The following CELF2 variants were observed in gnomAD, a reference collection of about 807,000 sequenced individuals.
CELF2 encodes the protein CUGBP Elav-like family member 2.
In CELF2, 8 loss-of-function variants were observed where a neutral mutation model predicts 62.6. The observed-to-expected ratio is 0.13, with a 90% CI of 0.07 to 0.23. CELF2 has a LOEUF of 0.23. CELF2 is among the 10% of genes least tolerant of loss of function. The pLI is 1.00. For synonymous variants in CELF2, 258 were observed against 250.0 expected (o/e 1.03, Z -0.30); for missense variants, 333 against 671.0 (o/e 0.50, Z 5.56).
chr10:10,892,914 A>T (rs2062254158), intron 1 of CELF2, among the ~76,000 whole-genome samples: 1 of 152,244 alleles, frequency 6.6e-6, no homozygotes, highest in Non-Finnish European at 1.5e-5. Context: ...TATTCCTTAC[A>T]TTCAGGTAGA....
At chr10:10,971,726 A>G (rs1237370377) in intron 2 of CELF2, among the ~76,000 whole-genome samples, 2 of 152,086 alleles carry the variant, frequency 1.3e-5, no homozygotes, top group African/African-American at 2.4e-5. Context: ...AGCTGGGACT[A>G]CAGGCACCCA....
In CELF2 at chr10:11,285,955, A is replaced by G. The variant is rs1216191859; in HGVS notation, c.842-2463A>G. ...TTGGTATCTGGTTGGGAGGGCAAGA[A>G]ATACATATAAATAATGTCAACATAG... On this transcript the variant is annotated intron_variant, in intron 8 of 12. Coordinates refer to ENST00000633077, the MANE Select transcript of CELF2 (RefSeq NM_001326342.2). This position sits in a 1 kb window ranked among gnomAD's most constrained non-coding sequence, Gnocchi z 4.3. 2.0e-5 allele frequency among the ~76,000 whole-genome samples: 3 copies of G among 151,974 alleles called. No individual in the cohort carries two copies. The highest frequency in any genetic ancestry group is 7.3e-5 in the African/African-American group (3 of 41,356).
chr10:11,169,960 A>G (rs1030821861), intron 2 of CELF2, among the ~76,000 whole-genome samples: 2 of 152,172 alleles, frequency 1.3e-5, no homozygotes, highest in African/African-American at 4.8e-5. Context: ...GTCAAGAAGG[A>G]TGCAGGCCAA....
chr10:11,307,098 G>C (rs2094279333), intron 9 of CELF2, among the ~76,000 whole-genome samples: 1 of 152,206 alleles, frequency 6.6e-6, no homozygotes, highest in Non-Finnish European at 1.5e-5. Context: ...ACACCTGTTT[G>C]CAGACCCACC....
the CELF2 span, among the ~76,000 whole-genome samples, chr10:10,484,886 A>G: frequency 2.6e-5 from 4 of 152,166 alleles, no homozygotes; most frequent in South Asian, 6.2e-4. Flanking sequence ...TGCATTCTAT[A>G]TCAGCCCTGA....
chr10:10,582,142 C>G, the CELF2 span, among the ~76,000 whole-genome samples: 1 of 152,152 alleles, frequency 6.6e-6, no homozygotes, highest in African/African-American at 2.4e-5. Flanking sequence ...TCACTAAGGA[C>G]CTTTTCCTAT....
At chr10:11,235,094 C>T (rs1208922623) in intron 3 of CELF2, among the ~76,000 whole-genome samples, 1 of 151,974 alleles carries the variant, frequency 6.6e-6, no homozygotes, top group East Asian at 1.9e-4. Flanking sequence ...TCAGACCTTA[C>T]GCTTCTGTGA....
chr10:11,089,135 C>T (rs1458400590), intron 1 of CELF2, among the ~76,000 whole-genome samples: 1 of 152,112 alleles, frequency 6.6e-6, no homozygotes, highest in South Asian at 2.1e-4. Context: ...AAGAGCCAGC[C>T]CAGATTCAAG....
In CELF2 at chr10:11,280,313, A is replaced by G. The variant is rs573271462; in HGVS notation, c.841+5193A>G. ...ATCCAGGAGCAGGCCTGCGCCTGAC[A>G]CCTGTGCCCGAGAAGCCTAGTCCGG... On this transcript the variant is annotated intron_variant, in intron 8 of 12. Coordinates refer to ENST00000633077, the MANE Select transcript of CELF2 (RefSeq NM_001326342.2). This position sits in a 1 kb window ranked among gnomAD's most constrained non-coding sequence, Gnocchi z 7.6. 6.6e-5 allele frequency among the ~76,000 whole-genome samples: 10 copies of G among 152,114 alleles called. No homozygotes were observed. Among genetic ancestry groups the G allele is most frequent in the African/African-American group, 2.4e-4 (10 of 41,424 alleles).
the CELF2 span, among the ~76,000 whole-genome samples, chr10:10,613,391 G>A: frequency 1.4e-4 from 22 of 152,152 alleles, no homozygotes; most frequent in South Asian, 2.5e-3. Context: ...ATTACTTTCC[G>A]GAAGGCAATT....
In CELF2 at chr10:11,290,566, C is replaced by A. The variant is rs1199210918; in HGVS notation, c.976+2014C>A. On this transcript the variant is annotated intron_variant, in intron 9 of 12. Coordinates refer to ENST00000633077, the MANE Select transcript of CELF2 (RefSeq NM_001326342.2). This position sits in a 1 kb window ranked among gnomAD's most constrained non-coding sequence, Gnocchi z 4.3. ...TGTGGGCCACTCAGACGGTCTAGGG[C>A]GACGGCCTAGGTGTTAGTCGGAAAG... Among the ~76,000 whole-genome samples, 1 of 150,684 alleles carries A rather than the reference C, an allele frequency of 6.6e-6. No homozygotes were observed. Among genetic ancestry groups the A allele is most frequent in the East Asian group, 1.9e-4 (1 of 5,156 alleles).
intron 8 of CELF2, 120 bp downstream of exon 8, chr10:11,275,240 C>A: frequency 9.6e-7 from 1 of 1,043,042 alleles, no homozygotes; most frequent in Non-Finnish European, 1.5e-6. Context: ...GACTTGTTAG[C>A]TTTCTGTCTT....
chr10:10,625,835 A>G, the CELF2 span, among the ~76,000 whole-genome samples: 67,701 of 151,982 alleles, frequency 0.45, 15,566 homozygotes, highest in South Asian at 0.71. Context: ...TTGGGCCTCT[A>G]TGCACCAGCA....
At chr10:10,857,205 C>G (rs1261044343) in intron 1 of CELF2, among the ~76,000 whole-genome samples, 1 of 152,160 alleles carries the variant, frequency 6.6e-6, no homozygotes, top group East Asian at 1.9e-4. Context: ...TGCTAACCTT[C>G]TCATGCACTG....
At chr10:10,485,242 T>C in the CELF2 span, among the ~76,000 whole-genome samples, 6 of 152,200 alleles carry the variant, frequency 3.9e-5, no homozygotes, top group Non-Finnish European at 7.3e-5. Flanking sequence ...AAGGCAGTGA[T>C]GAGTAATGCC....
intron 8 of CELF2, among the ~76,000 whole-genome samples, chr10:11,279,530 C>G (rs1294688636): frequency 1.3e-5 from 2 of 152,198 alleles, no homozygotes; most frequent in African/African-American, 4.8e-5. Flanking sequence ...CAAGCTGAGT[C>G]TCCAGCAGTC....
intron 1 of CELF2, among the ~76,000 whole-genome samples, chr10:10,860,548 C>G (rs1018504547): frequency 6.6e-6 from 1 of 152,194 alleles, no homozygotes; most frequent in Non-Finnish European, 1.5e-5. Context: ...TGGCAAAACT[C>G]AATTTTAATT....
At chr10:10,994,213 C>G (rs1008427445) in intron 2 of CELF2, among the ~76,000 whole-genome samples, 1 of 152,092 alleles carries the variant, frequency 6.6e-6, no homozygotes, top group African/African-American at 2.4e-5. Context: ...TGCAGAGTGT[C>G]TGTTTCTTTC....
chr10:10,831,312 C>T (rs1041871546), intron 1 of CELF2, among the ~76,000 whole-genome samples: 1 of 152,200 alleles, frequency 6.6e-6, no homozygotes, highest in African/African-American at 2.4e-5. Flanking sequence ...GGCTGAAGGT[C>T]GTGACTCACA....
Sources: allele counts gnomAD v4.1 joint callset (sites outside exome capture counted in the v4.1 genomes callset), GRCh38; gene constraint gnomAD v4.1.1; non-coding constraint Gnocchi (gnomAD v3.1); transcripts MANE v1.5; gene names NCBI Gene and HGNC (gene_info 2026-07-23, HGNC 2026-07-21).